UVRAG: variants seen among roughly 807,000 people sequenced by gnomAD.
UVRAG encodes the protein UV radiation resistance-associated gene protein.
Under a neutral mutation model 78.0 loss-of-function variants are expected in UVRAG, and 19 were observed. The observed-to-expected ratio is 0.24, with a 90% CI of 0.17 to 0.36. The LOEUF is 0.36. Ranked by LOEUF, UVRAG falls within the 10% of genes least tolerant of loss-of-function variation. The pLI is 1.00. For synonymous variants in UVRAG, 323 were observed against 324.6 expected (o/e 1.00, Z 0.05); for missense variants, 740 against 853.8 (o/e 0.87, Z 1.66).
rs1952712229 is a variant in UVRAG, at chr11:76,141,005, A to G, written c.1692A>G (p.Lys564=). 6.2e-7 allele frequency: 1 copy of G among 1,614,172 alleles called. No homozygotes were observed. The highest frequency in any genetic ancestry group is 2.2e-5 in the East Asian group (1 of 44,884). Residue 564 remains lysine (K), a synonymous_variant, in exon 15 of 15, where the codon AAA becomes AAG. Coordinates refer to ENST00000356136, the MANE Select transcript of UVRAG (RefSeq NM_003369.4). ...SLDFSKENKK[K]GEDLVGSLNG... ...ACTTCTCCAAAGAAAACAAGAAAAA[A>G]GGAGAGGATCTAGTTGGCAGCTTAA...
At chr11:76,011,593 C>T (rs965515517) in intron 11 of UVRAG, among the ~76,000 whole-genome samples, 3 of 152,184 alleles carry the variant, frequency 2.0e-5, no homozygotes, top group African/African-American at 7.2e-5. Flanking sequence ...CACTGCACTC[C>T]AGCCTGAGTG....
chr11:75,886,527 C>T (rs1014552626), intron 4 of UVRAG, among the ~76,000 whole-genome samples: 4 of 152,142 alleles, frequency 2.6e-5, no homozygotes, highest in Admixed American at 2.0e-4. Flanking sequence ...CTTGAGACTG[C>T]TTTCATAATG....
intron 14 of UVRAG, among the ~76,000 whole-genome samples, chr11:76,140,141 CT>C (rs1952688466): frequency 9.5e-6 from 1 of 104,998 alleles, no homozygotes; most frequent in Non-Finnish European, 1.8e-5. Context: ...CTCTCTCTCT[CT>C]CTCTCTCCCT....
intron 12 of UVRAG, among the ~76,000 whole-genome samples, chr11:76,033,236 A>G (rs1279118710): frequency 2.0e-5 from 3 of 152,184 alleles, no homozygotes; most frequent in Non-Finnish European, 4.4e-5. Context: ...CCACCTCTCT[A>G]GCCTCAGAAT....
chr11:76,122,036 C>G (rs778214195), intron 14 of UVRAG, among the ~76,000 whole-genome samples: 1 of 152,198 alleles, frequency 6.6e-6, no homozygotes, highest in African/African-American at 2.4e-5. Context: ...AAGAAGCCAT[C>G]TGAGCTGTTC....
At chr11:75,882,031 C>G (rs1946957458) in intron 4 of UVRAG, among the ~76,000 whole-genome samples, 1 of 152,146 alleles carries the variant, frequency 6.6e-6, no homozygotes, top group South Asian at 2.1e-4. Flanking sequence ...CCCACCCCAC[C>G]TTGGAATGAA....
At chr11:76,122,292 A>G (rs961211454) in intron 14 of UVRAG, among the ~76,000 whole-genome samples, 10 of 152,182 alleles carry the variant, frequency 6.6e-5, no homozygotes, top group Non-Finnish European at 1.3e-4. Flanking sequence ...ATTTGGCCAC[A>G]TGAGGTTTGG....
chr11:75,845,246 C>A (rs1422455862), intron 1 of UVRAG, among the ~76,000 whole-genome samples: 5 of 152,068 alleles, frequency 3.3e-5, no homozygotes, highest in Admixed American at 3.3e-4. Flanking sequence ...ATTAAAATCC[C>A]CTATTCAGCT....
At chr11:76,082,200 G>T (rs1287111225) in intron 13 of UVRAG, among the ~76,000 whole-genome samples, 3 of 152,104 alleles carry the variant, frequency 2.0e-5, no homozygotes, top group Non-Finnish European at 4.4e-5. Flanking sequence ...CAATGTGTAT[G>T]TGTGTTTCAT....
intron 13 of UVRAG, among the ~76,000 whole-genome samples, chr11:76,086,351 A>G (rs1591220579): frequency 6.6e-6 from 1 of 152,224 alleles, no homozygotes; most frequent in Non-Finnish European, 1.5e-5. Flanking sequence ...CTTGCATGGA[A>G]TAACCTTGGA....
chr11:75,863,619 A>G lies in UVRAG; in HGVS notation c.270+1839A>G, dbSNP rs1333652381. 4.6e-5 allele frequency among the ~76,000 whole-genome samples: 7 copies of G among 152,330 alleles called. No homozygotes were observed. The East Asian group carries it at 1.2e-3, about 25-fold the overall frequency. On this transcript the variant is annotated intron_variant, in intron 3 of 14. Coordinates refer to ENST00000356136, the MANE Select transcript of UVRAG (RefSeq NM_003369.4). ...TAAAGATCTCTGAATGTTAACTCCT[A>G]TCTTCAACTCCTTTTGGCCTCCATC...
intron 4 of UVRAG, among the ~76,000 whole-genome samples, chr11:75,884,390 G>A (rs1050694066): frequency 1.3e-5 from 2 of 151,976 alleles, no homozygotes; most frequent in African/African-American, 2.4e-5. Context: ...CTGCCAGTTT[G>A]TGGCTTGTCT....
Position 75,911,988 on chromosome 11 carries a change from A to C in UVRAG, c.542A>C (p.Gln181Pro), listed in dbSNP as rs780270427. Reference sequence around the variant, plus strand: ...AATGCTCAGAAGACTATTCTTCTGCAGGTGGATCAGAACTGTGTTCGCAAT... The same window carrying C: ...AATGCTCAGAAGACTATTCTTCTGCCGGTGGATCAGAACTGTGTTCGCAAT... ...YSNAQKTILL[Q>P]VDQNCVRNSY... is the part of the protein sequence containing the mutation. The change falls in exon 6 of 15, where the codon CAG becomes CCG. Residue 181 changes from glutamine (Q) to proline (P), a missense_variant. Transcript: ENST00000356136. 1.9e-6 allele frequency: 3 copies of C among 1,613,432 alleles called. No homozygotes were observed. In the South Asian group the frequency reaches 3.3e-5, roughly 18 times the overall value.
intron 1 of UVRAG, among the ~76,000 whole-genome samples, chr11:75,818,396 G>A: frequency 6.6e-6 from 1 of 151,284 alleles, no homozygotes; most frequent in East Asian, 1.9e-4. Context: ...TAGATAAATT[G>A]GAATGTCAGT....
At chr11:75,976,350 A>C (rs1949239827) in intron 7 of UVRAG, among the ~76,000 whole-genome samples, 1 of 152,146 alleles carries the variant, frequency 6.6e-6, no homozygotes, top group East Asian at 1.9e-4. Flanking sequence ...TGTCTCTGCC[A>C]GGCTTTGGTA....
chr11:76,070,591 T>A (rs914141793), intron 13 of UVRAG, among the ~76,000 whole-genome samples: 3 of 152,214 alleles, frequency 2.0e-5, no homozygotes, highest in Non-Finnish European at 4.4e-5. Context: ...AAAATTTTTT[T>A]AAAGTTAGGT....
At chr11:75,842,544 C>T (rs1417221426) in intron 1 of UVRAG, among the ~76,000 whole-genome samples, 1 of 150,854 alleles carries the variant, frequency 6.6e-6, no homozygotes, top group East Asian at 2.0e-4. Flanking sequence ...TGGGTTCAAA[C>T]GATTCTCCTG....
intron 3 of UVRAG, among the ~76,000 whole-genome samples, chr11:75,879,022 G>T (rs540019481): frequency 2.6e-5 from 4 of 152,254 alleles, no homozygotes; most frequent in Non-Finnish European, 4.4e-5. Flanking sequence ...TGTTATGAAA[G>T]CTCCTTAACA....
intron 6 of UVRAG, chr11:75,915,219 G>A (rs988729811): frequency 6.6e-6 from 1 of 152,256 alleles, no homozygotes; most frequent in African/African-American, 2.4e-5. Context: ...ACTCCAGCCT[G>A]GGTGACAGAG....
Sources: allele counts gnomAD v4.1 joint callset (sites outside exome capture counted in the v4.1 genomes callset), GRCh38; gene constraint gnomAD v4.1.1; transcripts MANE v1.5; gene names NCBI Gene and HGNC (gene_info 2026-07-23, HGNC 2026-07-21).